The following ZBTB8A variants were observed in gnomAD, a reference collection of about 807,000 sequenced individuals.
ZBTB8A encodes the protein zinc finger and BTB domain-containing protein 8A.
Under a neutral mutation model 37.8 loss-of-function variants are expected in ZBTB8A, and 19 were observed. The ratio of observed to expected loss-of-function variants is 0.50; its 90% CI spans 0.35 to 0.74. The LOEUF (loss-of-function observed/expected upper bound fraction) is 0.74, where lower values mean the gene tolerates loss of function less well. Ranked by LOEUF, ZBTB8A falls within the 30% of genes least tolerant of loss-of-function variation. The pLI, the probability that ZBTB8A is intolerant of heterozygous loss-of-function variation, is 0.01. For synonymous variants in ZBTB8A, 181 were observed against 185.2 expected (o/e 0.98, Z 0.19); for missense variants, 394 against 537.8 (o/e 0.73, Z 2.65).
intron 2 of ZBTB8A, among the ~76,000 whole-genome samples, chr1:32,573,374 C>G (rs1319718284): frequency 6.7e-6 from 1 of 150,306 alleles, no homozygotes; most frequent in Non-Finnish European, 1.5e-5. Context: ...GCGCCTGGCC[C>G]TTCTCTAGAT....
chr1:32,540,643 C>G (rs544254600), intron 1 of ZBTB8A, among the ~76,000 whole-genome samples: 2 of 152,238 alleles, frequency 1.3e-5, no homozygotes, highest in Admixed American at 1.3e-4. Flanking sequence ...CTTAACACAG[C>G]GCTTCCCTGC....
In ZBTB8A at chr1:32,593,704, T is replaced by G; in HGVS notation, c.773T>G (p.Val258Gly). ...QIDAEMDSTP[V>G]GYQYGQGSDV... ...GATGCTGAAATGGACTCTACTCCTG[T>G]TGGCTATCAGTACGGTCAAGGATCT... Residue 258 changes from valine (V) to glycine (G), a missense_variant, in exon 3 of 5, where the codon GTT becomes GGT. This residue lies in a region of ZBTB8A where 171 missense variants were observed against 186.8 expected (regional missense o/e 0.92). Coordinates refer to ENST00000373510, the MANE Select transcript of ZBTB8A (RefSeq NM_001040441.3). 6.2e-7 allele frequency: 1 copy of G among 1,614,122 alleles called. No homozygotes were observed. Among genetic ancestry groups the G allele is most frequent in the South Asian group, 1.1e-5 (1 of 91,076 alleles).
intron 1 of ZBTB8A, among the ~76,000 whole-genome samples, chr1:32,545,275 A>C (rs186655780): frequency 6.6e-6 from 1 of 152,196 alleles, no homozygotes; most frequent in Non-Finnish European, 1.5e-5. Flanking sequence ...GTAGCAAACT[A>C]TCCTAGTGGG....
rs988489729 is a variant in ZBTB8A, at chr1:32,602,345, A to G, written c.*1926A>G. ...CTCCGTCTCAAAAAAAAAAAAAAAA[A>G]AAACTTCTCCCCTGCATAAATTATG... On this transcript the variant is annotated 3_prime_UTR_variant, in exon 5 of 5. Transcript: ENST00000373510. The G allele has an allele frequency of 2.0e-5, 3 of 152,192 alleles. No homozygotes were observed. The highest frequency in any genetic ancestry group is 6.6e-5 in the Admixed American group (1 of 15,216). 9.4% of individuals were successfully genotyped at this position (152,192 alleles called of 1,614,324 possible). A position where few individuals can be genotyped will look rare whatever the true frequency, so the allele number is the denominator to read the frequency against.
chr1:32,542,512 T>C (rs1204859607), intron 1 of ZBTB8A, among the ~76,000 whole-genome samples: 1 of 152,174 alleles, frequency 6.6e-6, no homozygotes, highest in African/African-American at 2.4e-5. Flanking sequence ...AGGCAGAGGT[T>C]GCAGTAAACC....
chr1:32,587,854 C>T (rs988435425), intron 2 of ZBTB8A, among the ~76,000 whole-genome samples: 10 of 152,004 alleles, frequency 6.6e-5, no homozygotes, highest in Non-Finnish European at 1.2e-4. Flanking sequence ...TCAGCCCACC[C>T]CCCAGCCTCT....
In ZBTB8A at chr1:32,605,177, G is replaced by C. The variant is rs12136921; in HGVS notation, c.*4758G>C. ...AAAAAAAAAAAAAAAAAAAAGATGT[G>C]TTTAACTGGGAAGGGTGATAATAAT... On this transcript the variant is annotated 3_prime_UTR_variant, in exon 5 of 5. Transcript: ENST00000373510. 1 of 145,358 alleles carries C rather than the reference G, an allele frequency of 6.9e-6. No individual in the cohort carries two copies. Among genetic ancestry groups the C allele is most frequent in the African/African-American group, 2.6e-5 (1 of 38,798 alleles). 9.0% of individuals were successfully genotyped at this position (145,358 alleles called of 1,614,324 possible).
At position 32,594,118 on chromosome 1, in the gene ZBTB8A, C is replaced by T. The variant is rs112973848; in HGVS notation, c.823+364C>T. ...CTGAGGCAGGAGAATCACTTGAACC[C>T]GGGAGGCGGAGGTTGCAGGGAGCTG... On this transcript the variant is annotated intron_variant, in intron 3 of 4. Coordinates refer to ENST00000373510, the MANE Select transcript of ZBTB8A (RefSeq NM_001040441.3). Among the ~76,000 whole-genome samples, 339 of 150,672 alleles carry T rather than the reference C, an allele frequency of 2.2e-3. 1 individual carries two copies. The highest frequency in any genetic ancestry group is 7.7e-3 in the African/African-American group (318 of 41,038).
chr1:32,593,148 C>A lies in ZBTB8A; in HGVS notation c.217C>A (p.Pro73Thr), dbSNP rs201739762. 3.5e-5 allele frequency: 57 copies of A among 1,614,068 alleles called. No individual in the cohort carries two copies. The highest frequency in any genetic ancestry group is 4.6e-5 in the Non-Finnish European group (54 of 1,180,052). The change falls in exon 3 of 5, where the codon CCT becomes ACT. Residue 73 changes from proline to threonine, a missense_variant. Around this residue, in one of 4 missense-constraint regions of ZBTB8A, gnomAD observed 96 missense variants for 165.6 expected, o/e 0.58. Coordinates refer to ENST00000373510, the MANE Select transcript of ZBTB8A (RefSeq NM_001040441.3). Reference protein sequence around the residue: ...PTTATFQAFSPDTFTVILDFV... With the variant: ...PTTATFQAFSTDTFTVILDFV... ...CACAGCTACATTTCAGGCTTTCTCC[C>A]CTGACACTTTTACAGTTATCTTGGA...
chr1:32,559,987 C>T (rs961941358), intron 2 of ZBTB8A, among the ~76,000 whole-genome samples: 3 of 152,148 alleles, frequency 2.0e-5, no homozygotes, highest in Admixed American at 2.0e-4. Flanking sequence ...GCTCACAGTT[C>T]TGCAGGCTGT....
intron 1 of ZBTB8A, among the ~76,000 whole-genome samples, chr1:32,544,181 A>G (rs1486344625): frequency 1.3e-5 from 2 of 152,218 alleles, no homozygotes; most frequent in Non-Finnish European, 2.9e-5. Flanking sequence ...ATACAGTCAT[A>G]TGTCACTTAA....
Position 32,595,035 on chromosome 1 carries a change from T to C in ZBTB8A, c.824-19T>C. 1 of 1,602,936 alleles carries C rather than the reference T, an allele frequency of 6.2e-7. No homozygotes were observed. The highest frequency in any genetic ancestry group is 8.5e-7 in the Non-Finnish European group (1 of 1,173,374). ...TGTTATGAACTTTCCAGTGATTTAATCAAAGCGTCTCTTGACAGATGATCT... is the reference window on the plus strand; with the variant it reads ...TGTTATGAACTTTCCAGTGATTTAACCAAAGCGTCTCTTGACAGATGATCT... On this transcript the variant is annotated intron_variant, in intron 3 of 4. Coordinates refer to ENST00000373510, the MANE Select transcript of ZBTB8A (RefSeq NM_001040441.3).
chr1:32,566,395 C>T (rs998362485), intron 2 of ZBTB8A, among the ~76,000 whole-genome samples: 3 of 151,588 alleles, frequency 2.0e-5, no homozygotes, highest in Admixed American at 6.6e-5. Flanking sequence ...CATGGTGGCG[C>T]ATACCTCTAG....
chr1:32,587,187 C>T (rs574342802), intron 2 of ZBTB8A, among the ~76,000 whole-genome samples: 1 of 151,450 alleles, frequency 6.6e-6, no homozygotes, highest in East Asian at 2.0e-4. Context: ...TTCAGTGAGC[C>T]GAGATCACAC....
intron 1 of ZBTB8A, among the ~76,000 whole-genome samples, chr1:32,542,309 C>T (rs1271411743): frequency 2.5e-5 from 3 of 120,750 alleles, no homozygotes; most frequent in Non-Finnish European, 3.2e-5. Flanking sequence ...AATTCCAACA[C>T]TTTGGGAGGC....
chr1:32,554,881 A>T (rs946161448), intron 2 of ZBTB8A, among the ~76,000 whole-genome samples: 4 of 152,140 alleles, frequency 2.6e-5, no homozygotes, highest in African/African-American at 9.7e-5. Context: ...ACTTAATCAC[A>T]TACTCGTATT....
At position 32,593,237 on chromosome 1, in the gene ZBTB8A, T is replaced by C; in HGVS notation, c.306T>C (p.Ala102=). The C allele has an allele frequency of 1.9e-6, 3 of 1,614,212 alleles. No individual in the cohort carries two copies. The highest frequency in any genetic ancestry group is 2.5e-6 in the Non-Finnish European group (3 of 1,180,038). Residue 102 remains alanine, a synonymous_variant, in exon 3 of 5, where the codon GCT becomes GCC. Coordinates refer to ENST00000373510, the MANE Select transcript of ZBTB8A (RefSeq NM_001040441.3). ...ATGTCATAGAAGTGATGTCGGCTGC[T>C]AGCTTCCTTCAGATGACTGATGTCA... ...GQNVIEVMSA[A]SFLQMTDVIS...
Position 32,586,787 on chromosome 1 carries a change from G to A in ZBTB8A, c.-1-6144G>A, listed in dbSNP as rs986830222. Among the ~76,000 whole-genome samples, 4 of 152,222 alleles carry A rather than the reference G, an allele frequency of 2.6e-5. No homozygotes were observed. In the South Asian group the frequency reaches 8.3e-4, roughly 32 times the overall value. On this transcript the variant is annotated intron_variant, in intron 2 of 4. Coordinates refer to ENST00000373510, the MANE Select transcript of ZBTB8A (RefSeq NM_001040441.3). ...AGAGAAGTACTGGGATGGGGAGCAT[G>A]CAGATCATATAGGGCCTTTTAGGTT...
chr1:32,571,065 G>A (rs1644319296), intron 2 of ZBTB8A, among the ~76,000 whole-genome samples: 1 of 151,924 alleles, frequency 6.6e-6, no homozygotes, highest in African/African-American at 2.4e-5. Context: ...TAGCAGAGAT[G>A]GGGCTTCACC....
Sources: gnomAD v4.1 joint callset for allele counts (sites outside exome capture counted in the v4.1 genomes callset) on GRCh38, gnomAD v4.1.1 for gene constraint, gnomAD v4.1.1 regional missense constraint, MANE v1.5 for transcripts, NCBI Gene and HGNC (gene_info 2026-07-23, HGNC 2026-07-21) for gene names.